Variants in GBP4 observed in about 807,000 individuals in gnomAD.
GBP4 encodes the protein guanylate-binding protein 4.
A neutral mutation model predicts 62.2 loss-of-function variants in GBP4; 69 were observed. The ratio of observed to expected loss-of-function variants is 1.11; its 90% confidence interval spans 0.91 to 1.36. GBP4 has a LOEUF of 1.36. Ranked by LOEUF, GBP4 falls within the 40% of genes most tolerant of loss-of-function variation. The pLI is 0.00. For synonymous variants in GBP4, 278 were observed against 274.6 expected, an observed-to-expected ratio of 1.01 and a Z score of -0.12; for missense variants, 697 against 759.3, an observed-to-expected ratio of 0.92 and a Z score of 0.96.
chr1:89,193,038 T>G lies in GBP4; in HGVS notation c.536A>C (p.Glu179Ala), dbSNP rs779132251. 6.2e-7 allele frequency: 1 copy of G among 1,614,226 alleles called. No individual in the cohort carries two copies. The highest frequency in any genetic ancestry group is 1.3e-5 in the African/African-American group (1 of 75,068). ...AKSCPRPDEAEDSSEFASFFP... is the reference protein window; with the variant it reads ...AKSCPRPDEAADSSEFASFFP... Reference sequence around the variant, plus strand: ...GAAACTCGCAAACTCGCTGGAGTCCTCAGCTTCATCAGGTCTGGGGCAGGA... The same window carrying G: ...GAAACTCGCAAACTCGCTGGAGTCCGCAGCTTCATCAGGTCTGGGGCAGGA... The change falls in exon 5 of 11, where the codon GAG (glutamate) becomes GCG (alanine). Residue 179 changes from glutamate (E) to alanine (A), a missense_variant. By Grantham distance (107) the Glu-to-Ala change is moderately radical. Coordinates refer to ENST00000355754, the MANE Select transcript of GBP4 (RefSeq NM_052941.5).
At chr1:89,189,991 A>C in intron 7 of GBP4, 47 bp downstream of exon 7, 2 of 1,550,990 alleles carry the variant, frequency 1.3e-6, no homozygotes, top group Non-Finnish European at 1.8e-6. Context: ...CACTTTATGC[A>C]TCATTTCGGA....
chr1:89,198,939 A>C lies in GBP4; in HGVS notation c.-105T>G. ...CCAAGTAAGAGTCTGTGAGAACCGA[A>C]ATTGAAAGGACATGCACTTTGTGGG... On this transcript the variant is annotated 5_prime_UTR_variant, in exon 1 of 11. It adds an upstream start codon to the 5' untranslated region. Coordinates refer to ENST00000355754, the MANE Select transcript of GBP4 (RefSeq NM_052941.5). 2.0e-6 allele frequency: 2 copies of C among 1,016,900 alleles called. No individual in the cohort carries two copies. Among genetic ancestry groups the C allele is most frequent in the Admixed American group, 3.4e-5 (2 of 58,788 alleles). The allele number at this position is 1,016,900 out of a possible 1,614,324, so 63.0% of individuals were successfully genotyped here.
chr1:89,193,488 C>G lies in GBP4; in HGVS notation c.364-76G>C. 3 of 1,283,930 alleles carry G rather than the reference C, an allele frequency of 2.3e-6. No individual in the cohort carries two copies. In the South Asian group the frequency reaches 3.8e-5, roughly 16 times the overall value. The allele number at this position is 1,283,930 out of a possible 1,614,324, so 79.5% of individuals were successfully genotyped here. A position where few individuals can be genotyped will look rare whatever the true frequency, so the allele number is the denominator to read the frequency against. On this transcript the variant is annotated intron_variant, in intron 3 of 10. Transcript: ENST00000355754. ...ATTCATTCATTTGGTTGTTCATTAG[C>G]TATTTCAGCTGTATGATAGTTGAAT...
At chr1:89,188,174 TCA>T (rs1648086645) in intron 8 of GBP4, among the ~76,000 whole-genome samples, 2 of 152,118 alleles carry the variant, frequency 1.3e-5, no homozygotes, top group African/African-American at 4.8e-5. Context: ...ATCATCATCA[TCA>T]TCATCATCAT....
At chr1:89,196,681 A>G (rs1648349991) in intron 2 of GBP4, among the ~76,000 whole-genome samples, 1 of 152,256 alleles carries the variant, frequency 6.6e-6, no homozygotes, top group South Asian at 2.1e-4. Context: ...GCAAAAAATT[A>G]GAAATGGTAG....
rs554428800 is a variant in GBP4 at position 89,198,517 on chromosome 1, G to A, written c.40+278C>T. Among the ~76,000 whole-genome samples the A allele has an allele frequency of 6.6e-5, 10 of 152,202 alleles. No individual in the cohort carries two copies. The East Asian group carries it at 1.2e-3, about 18-fold the overall frequency. ...GTATTTCGCAGGAGAAAATGCCACAGCTCTGGGAGGAAGCCCGAGGAGGAG... is the reference window on the plus strand; with the variant it reads ...GTATTTCGCAGGAGAAAATGCCACAACTCTGGGAGGAAGCCCGAGGAGGAG... On this transcript the variant is annotated intron_variant, in intron 1 of 10. Coordinates refer to ENST00000355754, the MANE Select transcript of GBP4 (RefSeq NM_052941.5).
In GBP4 at chr1:89,190,235, C is replaced by T; in HGVS notation, c.1000G>A (p.Ala334Thr). ...PCLENAVTAL[A>T]QLENPAAVQR... ...ACAGCCGCTGGGTTCTCAAGCTGGG[C>T]CAGTGCTGTCACTGCATTCTCCAGA... Residue 334 changes from alanine (A) to threonine (T), a missense_variant, in exon 7 of 11, where the codon GCC (alanine) becomes ACC (threonine). This residue lies in a region of GBP4 where 556 missense variants were observed against 562.7 expected (regional missense o/e 0.99). Coordinates refer to ENST00000355754, the MANE Select transcript of GBP4 (RefSeq NM_052941.5). 1 of 1,614,128 alleles carries T rather than the reference C, an allele frequency of 6.2e-7. No homozygotes were observed. The highest frequency in any genetic ancestry group is 8.5e-7 in the Non-Finnish European group (1 of 1,179,998).
In GBP4 at chr1:89,195,302, C is replaced by T; in HGVS notation, c.358G>A (p.Glu120Lys). 6.2e-7 allele frequency: 1 copy of T among 1,613,758 alleles called. No homozygotes were observed. Among genetic ancestry groups the T allele is most frequent in the Non-Finnish European group, 8.5e-7 (1 of 1,179,772 alleles). Residue 120 changes from glutamate to lysine, a missense_variant, in exon 3 of 11, where the codon GAA (glutamate) becomes AAA (lysine). Transcript: ENST00000355754. ...LLDTEGLGDV[E>K]KSNPKNDSWI... ...GTGAAGTTTCTCTGCCTTACCTTTT[C>T]TACATCGCCCAGGCCCTCGGTGTCC...
chr1:89,196,044 A>T (rs1374502004), intron 2 of GBP4, among the ~76,000 whole-genome samples: 1 of 152,198 alleles, frequency 6.6e-6, no homozygotes, highest in Non-Finnish European at 1.5e-5. Flanking sequence ...TAGAAATTTT[A>T]TGTACTCTCT....
At position 89,185,403 on chromosome 1, in the gene GBP4, G is replaced by T. The variant is rs773725529; in HGVS notation, c.1774C>A (p.Gln592Lys). The change falls in exon 11 of 11, where the codon CAA becomes AAA. Residue 592 changes from glutamine (Q) to lysine (K), a missense_variant. Physicochemically the swap from Gln to Lys is moderately conservative, Grantham distance 53 (BLOSUM62 1). Around this residue, in one of 2 missense-constraint regions of GBP4, gnomAD observed 141 missense variants for 196.6 expected, o/e 0.72. Transcript: ENST00000355754. ...KSEQLNKEIN[Q>K]LKEKIESTKN... The stretch of plus-strand genomic sequence containing the variant: ...GTGCTTTCAATTTTTTCTTTCAGTT[G>T]ATTAATCTCTTTATTTAACTGCTCA... 2 of 1,585,234 alleles carry T rather than the reference G, an allele frequency of 1.3e-6. No individual in the cohort carries two copies. The highest frequency in any genetic ancestry group is 2.2e-5 in the South Asian group (2 of 90,406).
In GBP4 at chr1:89,181,452, T is replaced by G. The variant is rs1021079765; in HGVS notation, c.*3802A>C. 6.6e-6 allele frequency: 1 copy of G among 152,554 alleles called. No homozygotes were observed. 9.5% of individuals were successfully genotyped at this position (152,554 alleles called of 1,614,324 possible). A position where few individuals can be genotyped will look rare whatever the true frequency, so the allele number is the denominator to read the frequency against. ...ACTTGCTTCAGGCCATCTGGACGTATGTACATGCAGGTCACAGGGGATATG... is the reference window on the plus strand; with the variant it reads ...ACTTGCTTCAGGCCATCTGGACGTAGGTACATGCAGGTCACAGGGGATATG... On this transcript the variant is annotated 3_prime_UTR_variant, in exon 11 of 11. Transcript: ENST00000355754.
chr1:89,194,279 A>T (rs559600032), intron 3 of GBP4, among the ~76,000 whole-genome samples: 2 of 152,202 alleles, frequency 1.3e-5, no homozygotes, highest in African/African-American at 4.8e-5. Flanking sequence ...AAGGGTTTTT[A>T]AAAAAATTTA....
intron 1 of GBP4, among the ~76,000 whole-genome samples, chr1:89,197,795 C>T (rs142689580): frequency 1.6e-4 from 24 of 152,096 alleles, no homozygotes; most frequent in African/African-American, 5.3e-4. Context: ...TAATTAACAC[C>T]GTTCTAGATT....
intron 2 of GBP4, among the ~76,000 whole-genome samples, chr1:89,196,701 A>G (rs1248715934): frequency 6.6e-6 from 1 of 152,240 alleles, no homozygotes; most frequent in Non-Finnish European, 1.5e-5. Flanking sequence ...GCCCAATTTA[A>G]ATAGAGGATA....
At chr1:89,193,138 A>G (rs779065326) in intron 4 of GBP4, 38 bp from the exon 5 acceptor site, 1 of 1,593,298 alleles carries the variant, frequency 6.3e-7, no homozygotes, top group Non-Finnish European at 8.6e-7. Context: ...ACCCTACACC[A>G]TCATTTCCAT....
In GBP4 at chr1:89,182,442, G is replaced by A. The variant is rs1229448382; in HGVS notation, c.*2812C>T. 2 of 151,752 alleles carry A rather than the reference G, an allele frequency of 1.3e-5. No homozygotes were observed. The highest frequency in any genetic ancestry group is 1.3e-4 in the Admixed American group (2 of 15,234). The allele number at this position is 151,752 out of a possible 1,614,324, so 9.4% of individuals were successfully genotyped here. On this transcript the variant is annotated 3_prime_UTR_variant, in exon 11 of 11. Transcript: ENST00000355754. ...CCAAATGTTCTTCTATACAATGTCT[G>A]GAATCTATGAATAACATCGGTTTCT...
At chr1:89,192,058 G>C in intron 5 of GBP4, among the ~76,000 whole-genome samples, 1 of 152,122 alleles carries the variant, frequency 6.6e-6, no homozygotes, top group East Asian at 1.9e-4. Context: ...GAAAAATCCA[G>C]AGTAAAGTTA....
At chr1:89,191,868 A>G (rs1480373914) in intron 5 of GBP4, among the ~76,000 whole-genome samples, 2 of 152,248 alleles carry the variant, frequency 1.3e-5, no homozygotes, top group African/African-American at 2.4e-5. Flanking sequence ...TTACAGTCCT[A>G]TGTCAGAAGT....
At chr1:89,186,701 C>T (rs1187210319) in intron 9 of GBP4, among the ~76,000 whole-genome samples, 175 bp from the exon 10 acceptor site, 1 of 152,188 alleles carries the variant, frequency 6.6e-6, no homozygotes, top group African/African-American at 2.4e-5. Flanking sequence ...GATGCGAAGG[C>T]ACTGGCTGGA....
Sources: gnomAD v4.1 joint callset for allele counts (sites outside exome capture counted in the v4.1 genomes callset) on GRCh38, gnomAD v4.1.1 for gene constraint, gnomAD v4.1.1 regional missense constraint, MANE v1.5 for transcripts, NCBI Gene and HGNC (gene_info 2026-07-23, HGNC 2026-07-21) for gene names.